The following ZDHHC18 variants were observed in gnomAD, a reference collection of about 807,000 sequenced individuals.
The protein encoded by ZDHHC18 is zDHHC palmitoyltransferase 18, also known as palmitoyltransferase ZDHHC18.
A neutral mutation model predicts 37.5 loss-of-function variants in ZDHHC18; 23 were observed. The observed-to-expected ratio is 0.61, with a 90% confidence interval of 0.44 to 0.87. ZDHHC18 has a LOEUF of 0.87. Ranked by LOEUF, ZDHHC18 falls within the 40% of genes least tolerant of loss-of-function variation. The pLI is 0.00. For synonymous variants in ZDHHC18, 185 were observed against 218.7 expected (o/e 0.85, Z 1.36); for missense variants, 406 against 525.6 (o/e 0.77, Z 2.22).
chr1:26,837,669 G>T (rs558169275), intron 2 of ZDHHC18, among the ~76,000 whole-genome samples: 1 of 151,750 alleles, frequency 6.6e-6, no homozygotes, highest in South Asian at 2.1e-4. Context: ...TAGTAGAGAT[G>T]GGGTTTCACC....
chr1:26,847,517 C>T lies in ZDHHC18; in HGVS notation c.497-1091C>T, dbSNP rs144730176. ...ATGAGCCACTGCATTCGGCCTGTTT[C>T]GTAGTTTTTAATCTGTAGTCAGATT... On this transcript the variant is annotated intron_variant, in intron 2 of 7. Transcript: ENST00000374142. Among the ~76,000 whole-genome samples, 1,230 of 152,152 alleles carry T rather than the reference C, an allele frequency of 8.1e-3. 11 individuals carry two copies. Among genetic ancestry groups the T allele is most frequent in the African/African-American group, 0.028 (1,177 of 41,496 alleles).
intron 2 of ZDHHC18, among the ~76,000 whole-genome samples, chr1:26,833,622 G>T (rs2081597623): frequency 1.3e-5 from 2 of 152,104 alleles, no homozygotes; most frequent in Admixed American, 6.5e-5. Context: ...CTGCTGTGTG[G>T]GTTCCGGGGT....
chr1:26,833,621 G>A (rs1014445109), intron 2 of ZDHHC18, among the ~76,000 whole-genome samples: 11 of 152,092 alleles, frequency 7.2e-5, no homozygotes, highest in African/African-American at 2.4e-4. Flanking sequence ...ACTGCTGTGT[G>A]GGTTCCGGGG....
intron 2 of ZDHHC18, among the ~76,000 whole-genome samples, chr1:26,843,768 C>T (rs1041198343): frequency 3.3e-5 from 5 of 151,060 alleles, no homozygotes; most frequent in African/African-American, 1.2e-4. Flanking sequence ...CCAGCCTGGG[C>T]AACAGAGCAA....
Position 26,855,105 on chromosome 1 carries a change from C to T in ZDHHC18, c.*1262C>T, listed in dbSNP as rs1398606732. ...TCTACCCCCAGCCCTACCCACCAGC[C>T]CCCAGGTGAGGCTTCCAGCTGGGAC... On this transcript the variant is annotated 3_prime_UTR_variant, in exon 8 of 8. Coordinates refer to ENST00000374142, the MANE Select transcript of ZDHHC18 (RefSeq NM_032283.3). The T allele has an allele frequency of 6.6e-6, 1 of 152,312 alleles. No individual in the cohort carries two copies. The highest frequency in any genetic ancestry group is 2.4e-5 in the African/African-American group (1 of 41,454). 9.4% of individuals were successfully genotyped at this position (152,312 alleles called of 1,614,324 possible). A position where few individuals can be genotyped will look rare whatever the true frequency, so the allele number is the denominator to read the frequency against.
In ZDHHC18 at chr1:26,851,156, C is replaced by T. The variant is rs748319865; in HGVS notation, c.861C>T (p.Phe287=). The T allele has an allele frequency of 3.1e-6, 5 of 1,614,228 alleles. No individual in the cohort carries two copies. Among genetic ancestry groups the T allele is most frequent in the Non-Finnish European group, 4.2e-6 (5 of 1,180,028 alleles). ...ASVLELVICF[F]SIWSILGLSG... The stretch of plus-strand genomic sequence containing the variant: ...TGCTGGAGTTGGTGATCTGCTTCTT[C>T]TCCATCTGGTCCATTCTGGGCCTCT... The change falls in exon 6 of 8, where the codon TTC becomes TTT. Residue 287 remains phenylalanine, a synonymous_variant. Coordinates refer to ENST00000374142, the MANE Select transcript of ZDHHC18 (RefSeq NM_032283.3).
At chr1:26,840,501 C>T (rs1237427985) in intron 2 of ZDHHC18, among the ~76,000 whole-genome samples, 3 of 151,908 alleles carry the variant, frequency 2.0e-5, no homozygotes, top group Non-Finnish European at 4.4e-5. Context: ...AGTGCAGTGG[C>T]GCGATTTCGG....
At chr1:26,833,946 C>A (rs1345995649) in intron 2 of ZDHHC18, among the ~76,000 whole-genome samples, 1 of 152,134 alleles carries the variant, frequency 6.6e-6, no homozygotes, top group Non-Finnish European at 1.5e-5. Context: ...TTGTCTCATT[C>A]CTCTGCCCAG....
chr1:26,828,760 G>T (rs569052347), intron 1 of ZDHHC18, among the ~76,000 whole-genome samples: 10 of 151,686 alleles, frequency 6.6e-5, no homozygotes, highest in Admixed American at 2.0e-4. Flanking sequence ...AGAAGCTCTG[G>T]GGGGCCCAGA....
At chr1:26,836,413 A>T (rs1234691174) in intron 2 of ZDHHC18, among the ~76,000 whole-genome samples, 2 of 151,842 alleles carry the variant, frequency 1.3e-5, no homozygotes, top group African/African-American at 2.4e-5. Context: ...CCAAGATCCC[A>T]AATTTGTTCT....
intron 1 of ZDHHC18, among the ~76,000 whole-genome samples, chr1:26,828,508 C>T (rs2081569676): frequency 6.6e-6 from 1 of 151,976 alleles, no homozygotes; most frequent in Non-Finnish European, 1.5e-5. Context: ...GCTATTAGTA[C>T]TTGTGTTGTC....
At position 26,857,578 on chromosome 1, in the gene ZDHHC18, A is replaced by G. The variant is rs1021902530; in HGVS notation, c.*3735A>G. On this transcript the variant is annotated 3_prime_UTR_variant, in exon 8 of 8. Transcript: ENST00000374142. The stretch of plus-strand genomic sequence containing the variant: ...TACCTTTTTTTTTTTTAACCAAAAT[A>G]AAGATTCCCCTCTTCTTGCCATACC... The G allele has an allele frequency of 1.2e-4, 18 of 151,716 alleles. No homozygotes were observed. The highest frequency in any genetic ancestry group is 4.4e-4 in the African/African-American group (18 of 41,264). The allele number at this position is 151,716 out of a possible 1,614,324, so 9.4% of individuals were successfully genotyped here.
intron 1 of ZDHHC18, among the ~76,000 whole-genome samples, chr1:26,827,877 C>T (rs954448992): frequency 7.2e-5 from 11 of 152,006 alleles, no homozygotes; most frequent in Admixed American, 2.6e-4. Flanking sequence ...TCCACCCAGC[C>T]GGCTCCCAGG....
chr1:26,848,024 C>T (rs1401337769), intron 2 of ZDHHC18, among the ~76,000 whole-genome samples: 1 of 152,138 alleles, frequency 6.6e-6, no homozygotes, highest in Admixed American at 6.6e-5. Flanking sequence ...TGCAAATAAA[C>T]CTCACTGGCT....
rs2081720725 is a variant in ZDHHC18, at chr1:26,853,985, C to T, written c.*142C>T. The T allele has an allele frequency of 5.1e-6, 4 of 791,784 alleles. No homozygotes were observed. Among genetic ancestry groups the T allele is most frequent in the Non-Finnish European group, 8.2e-6 (4 of 487,290 alleles). The allele number at this position is 791,784 out of a possible 1,614,324, so 49.0% of individuals were successfully genotyped here. ...TTTATTTCCCATCCTGCGTGGCTTTCCCTGAACTGTTCCGTGGCTGTGCCC... is the reference window on the plus strand; with the variant it reads ...TTTATTTCCCATCCTGCGTGGCTTTTCCTGAACTGTTCCGTGGCTGTGCCC... On this transcript the variant is annotated 3_prime_UTR_variant, in exon 8 of 8. Transcript: ENST00000374142.
chr1:26,828,886 G>A (rs2081571413), intron 1 of ZDHHC18, among the ~76,000 whole-genome samples: 2 of 152,124 alleles, frequency 1.3e-5, no homozygotes, highest in African/African-American at 2.4e-5. Flanking sequence ...ACCCAGGGCT[G>A]CAGCCGAGGC....
chr1:26,843,436 C>T (rs1041284987), intron 2 of ZDHHC18, among the ~76,000 whole-genome samples: 14 of 151,552 alleles, frequency 9.2e-5, no homozygotes, highest in East Asian at 7.9e-4. Flanking sequence ...CCACCGTGCC[C>T]GGCCTCCTTT....
rs540478595 is a variant in ZDHHC18 at position 26,856,188 on chromosome 1, G to A, written c.*2345G>A. The A allele has an allele frequency of 2.2e-6, 1 of 454,490 alleles. No individual in the cohort carries two copies. The highest frequency in any genetic ancestry group is 1.5e-5 in the South Asian group (1 of 64,526). The allele number at this position is 454,490 out of a possible 1,614,324, so 28.2% of individuals were successfully genotyped here. A position where few individuals can be genotyped will look rare whatever the true frequency, so the allele number is the denominator to read the frequency against. ...ACCTCTCTGGTATCTCCCTCAGGAGGACACCTGTCAGGATTTTGCCATCTC... is the reference window on the plus strand; with the variant it reads ...ACCTCTCTGGTATCTCCCTCAGGAGAACACCTGTCAGGATTTTGCCATCTC... On this transcript the variant is annotated 3_prime_UTR_variant, in exon 8 of 8. Transcript: ENST00000374142. The surrounding 1 kb of genome is among the most constrained non-coding windows in gnomAD (Gnocchi z 5.2).
At chr1:26,842,492 C>T (rs142923436) in intron 2 of ZDHHC18, among the ~76,000 whole-genome samples, 3 of 152,296 alleles carry the variant, frequency 2.0e-5, no homozygotes, top group African/African-American at 7.2e-5. Context: ...TGGAGTGGAA[C>T]TAGATTCATT....
Sources: gnomAD v4.1 joint callset for allele counts (sites outside exome capture counted in the v4.1 genomes callset) on GRCh38, gnomAD v4.1.1 for gene constraint, Gnocchi (gnomAD v3.1) non-coding constraint, MANE v1.5 for transcripts, NCBI Gene and HGNC (gene_info 2026-07-23, HGNC 2026-07-21) for gene names.